The following NOX4 variants were observed in gnomAD, a reference collection of about 807,000 sequenced individuals.
NOX4 encodes the protein kidney oxidase-1.
In NOX4, 69 loss-of-function variants were observed where a neutral mutation model predicts 87.6. That is an observed-to-expected ratio of 0.79 (90% confidence interval 0.65 to 0.96). NOX4 has a LOEUF of 0.96. NOX4 is among the 40% of genes least tolerant of loss of function. The probability of loss-of-function intolerance (pLI) is 0.00; values close to 1 mark genes in which losing one functional copy is unlikely to be tolerated. For missense variants in NOX4, 680 were observed against 681.5 expected (o/e 1.00, Z 0.02); for synonymous variants, 275 against 238.2 (o/e 1.15, Z -1.42).
chr11:89,356,217 A>G (rs1275056901), intron 12 of NOX4, among the ~76,000 whole-genome samples: 1 of 152,136 alleles, frequency 6.6e-6, no homozygotes, highest in African/African-American at 2.4e-5. Flanking sequence ...AATAGGAGAG[A>G]AGCAAAAGGG....
chr11:89,473,472 A>AT (rs1565335444), intron 2 of NOX4, among the ~76,000 whole-genome samples: 1 of 152,144 alleles, frequency 6.6e-6, no homozygotes, highest in Admixed American at 6.6e-5. Flanking sequence ...AACAAAAAAA[A>AT]AAATGAGAGA....
At chr11:89,419,058 G>C (rs929927855) in intron 8 of NOX4, among the ~76,000 whole-genome samples, 1 of 152,122 alleles carries the variant, frequency 6.6e-6, no homozygotes, top group East Asian at 1.9e-4. Context: ...TTAAAAATAT[G>C]CAGTTTTATA....
At chr11:89,473,448 T>C in intron 2 of NOX4, among the ~76,000 whole-genome samples, 1 of 149,148 alleles carries the variant, frequency 6.7e-6, no homozygotes, top group Non-Finnish European at 1.5e-5. Context: ...AAAGATATAC[T>C]GGTGGCCTGA....
Position 89,432,771 on chromosome 11 carries a change from T to C in NOX4, c.548+13A>G, listed in dbSNP as rs776068097. On this transcript the variant is annotated intron_variant, in intron 7 of 17. Transcript: ENST00000263317. ...GACAGATACACATCAAAATAATTGA[T>C]TCTGACACTTACCTTATTGCATATG... 1.3e-6 allele frequency: 2 copies of C among 1,580,590 alleles called. No individual in the cohort carries two copies. Among genetic ancestry groups the C allele is most frequent in the Non-Finnish European group, 1.7e-6 (2 of 1,150,904 alleles).
intron 8 of NOX4, among the ~76,000 whole-genome samples, chr11:89,404,955 T>C (rs777611533): frequency 9.9e-5 from 15 of 152,110 alleles, no homozygotes; most frequent in Non-Finnish European, 1.5e-4. Flanking sequence ...ATTAACTAAG[T>C]ATAGTCAAAG....
rs566537885 is a variant in NOX4, at chr11:89,396,695, A to G, written c.1074+3322T>C. On this transcript the variant is annotated intron_variant, in intron 11 of 17. Coordinates refer to ENST00000263317, the MANE Select transcript of NOX4 (RefSeq NM_016931.5). Reference sequence around the variant, plus strand: ...TAGTCTCTGATAAAACAGACTTTAAACCAACAAAGATCAAAAGAGACAAAG... The same window carrying G: ...TAGTCTCTGATAAAACAGACTTTAAGCCAACAAAGATCAAAAGAGACAAAG... 1.1e-4 allele frequency among the ~76,000 whole-genome samples: 16 copies of G among 152,264 alleles called. 1 individual carries two copies. In the South Asian group the frequency reaches 3.3e-3, roughly 32 times the overall value.
At chr11:89,557,962 C>T in the NOX4 span, among the ~76,000 whole-genome samples, 5,474 of 152,122 alleles carry the variant, frequency 0.036, 142 homozygotes, top group Non-Finnish European at 0.052. Flanking sequence ...GGGAAGGAAA[C>T]TGACATTTGT....
At chr11:89,338,819 G>T (rs2135379659) in intron 15 of NOX4, among the ~76,000 whole-genome samples, 1 of 152,168 alleles carries the variant, frequency 6.6e-6, no homozygotes, top group South Asian at 2.1e-4. Flanking sequence ...ATAGCATTTT[G>T]TTTGATGGTT....
At chr11:89,560,996 C>CTCTCTCTATATATATATA in the NOX4 span, among the ~76,000 whole-genome samples, 1 of 40,802 alleles carries the variant, frequency 2.5e-5, no homozygotes, top group Non-Finnish European at 3.9e-5. Flanking sequence ...CTCTCTCTCT[C>CTCTCTCTATATATATATA]TATATATATA....
rs1020155532 is a variant in NOX4, at chr11:89,416,790, G to GA, written c.629+5111dup. Among the ~76,000 whole-genome samples the GA allele has an allele frequency of 2.0e-5, 3 of 151,652 alleles. No homozygotes were observed. In the East Asian group the frequency reaches 5.8e-4, roughly 29 times the overall value. ...AAAAATACTCCTTTTAGATTTCCTA[G>GA]AAAAAAAATGATTCAAGTAGAATAT... On this transcript the variant is annotated intron_variant, in intron 8 of 17. Transcript: ENST00000263317.
At chr11:89,458,370 T>C (rs1945299814) in intron 2 of NOX4, among the ~76,000 whole-genome samples, 1 of 152,256 alleles carries the variant, frequency 6.6e-6, no homozygotes, top group East Asian at 1.9e-4. Context: ...GAAGATAACC[T>C]GGTAAAAATA....
intron 5 of NOX4, 61 bp downstream of exon 5, chr11:89,444,074 A>T: frequency 7.1e-7 from 1 of 1,414,752 alleles, no homozygotes; most frequent in Non-Finnish European, 1.0e-6. Flanking sequence ...GAAAAATCAC[A>T]GACCCTCATT....
At chr11:89,360,573 C>T (rs1938443438) in intron 12 of NOX4, among the ~76,000 whole-genome samples, 1 of 152,024 alleles carries the variant, frequency 6.6e-6, no homozygotes, top group African/African-American at 2.4e-5. Context: ...AGTTCTTGAC[C>T]TTAGTCTGCC....
intron 11 of NOX4, among the ~76,000 whole-genome samples, chr11:89,395,852 C>T (rs568053514): frequency 1.3e-5 from 2 of 152,054 alleles, no homozygotes; most frequent in Non-Finnish European, 2.9e-5. Context: ...TGTTCTGTTC[C>T]ATTGGTCTAT....
upstream of NOX4, chr11:89,499,010 G>T: frequency 6.5e-6 from 1 of 154,906 alleles, no homozygotes. Context: ...CTTGCGGTGA[G>T]GTTTCTTCAC....
intron 13 of NOX4, among the ~76,000 whole-genome samples, chr11:89,345,980 C>T (rs1030575736): frequency 2.6e-5 from 4 of 152,090 alleles, no homozygotes; most frequent in Non-Finnish European, 5.9e-5. Flanking sequence ...GGAAAGGCAT[C>T]CAAATAAGAA....
chr11:89,326,680 T>C lies in NOX4; in HGVS notation c.*76A>G. ...CTATTCTTTGGCATAACACAGCTGATTGATTCCGCTGAGTTTCAAAGTCTT... is the reference window on the plus strand; with the variant it reads ...CTATTCTTTGGCATAACACAGCTGACTGATTCCGCTGAGTTTCAAAGTCTT... On this transcript the variant is annotated 3_prime_UTR_variant, in exon 18 of 18. Transcript: ENST00000263317. 7.7e-7 allele frequency: 1 copy of C among 1,300,012 alleles called. No homozygotes were observed. The highest frequency in any genetic ancestry group is 1.1e-6 in the Non-Finnish European group (1 of 926,374). The allele number at this position is 1,300,012 out of a possible 1,614,324, so 80.5% of individuals were successfully genotyped here.
chr11:89,422,449 C>A (rs1418142313), intron 7 of NOX4, among the ~76,000 whole-genome samples: 1 of 152,022 alleles, frequency 6.6e-6, no homozygotes, highest in African/African-American at 2.4e-5. Flanking sequence ...TATATTTTTT[C>A]CTGGACAGTG....
At chr11:89,429,518 T>C (rs1215791833) in intron 7 of NOX4, among the ~76,000 whole-genome samples, 1 of 152,120 alleles carries the variant, frequency 6.6e-6, no homozygotes, top group African/African-American at 2.4e-5. Flanking sequence ...TAAAAAATGA[T>C]ACAGGGGATA....
Sources: allele counts gnomAD v4.1 joint callset (sites outside exome capture counted in the v4.1 genomes callset), GRCh38; gene constraint gnomAD v4.1.1; transcripts MANE v1.5; gene names NCBI Gene and HGNC (gene_info 2026-07-23, HGNC 2026-07-21).